Variants in KCNK4 observed in about 807,000 individuals in gnomAD.
KCNK4 encodes potassium channel subfamily K member 4.
KCNK4 carries 22 observed loss-of-function variants against 28.8 expected under a neutral mutation model. That is an observed-to-expected ratio of 0.76 (90% CI 0.55 to 1.09). The LOEUF is 1.09. Among genes scored for constraint, KCNK4 ranks in the 50% least tolerant of loss-of-function variants. The pLI is 0.00. For missense variants in KCNK4, 483 were observed against 546.3 expected, an observed-to-expected ratio of 0.88 and a Z score of 1.15; for synonymous variants, 263 against 252.9, an observed-to-expected ratio of 1.04 and a Z score of -0.38.
intron 2 of KCNK4, among the ~76,000 whole-genome samples, 182 bp from the exon 3 acceptor site, chr11:64,296,696 C>A (rs1004001108): frequency 6.6e-6 from 1 of 152,172 alleles, no homozygotes; most frequent in African/African-American, 2.4e-5. Flanking sequence ...ACAAACTCAC[C>A]TGCAGGTAGA....
At chr11:64,297,920 G>A (rs779176269) in intron 5 of KCNK4, among the ~76,000 whole-genome samples, 190 bp from the exon 6 acceptor site, 9 of 152,182 alleles carry the variant, frequency 5.9e-5, no homozygotes, top group Non-Finnish European at 1.3e-4. Flanking sequence ...CTTCTTGCAT[G>A]CTTTTATCTT....
At chr11:64,294,531 A>AG (rs1745060700) in intron 2 of KCNK4, among the ~76,000 whole-genome samples, 1 of 151,482 alleles carries the variant, frequency 6.6e-6, no homozygotes, top group Admixed American at 6.6e-5. Context: ...AAAAAAAAAA[A>AG]AAAAAGAAAG....
intron 1 of KCNK4, chr11:64,292,215 C>A: frequency 6.1e-6 from 3 of 488,432 alleles, no homozygotes; most frequent in Non-Finnish European, 8.0e-6. Context: ...CGTGCCGGGG[C>A]GTGTGTGCGC....
At chr11:64,295,405 G>T (rs764840833) in intron 2 of KCNK4, among the ~76,000 whole-genome samples, 32 of 152,132 alleles carry the variant, frequency 2.1e-4, no homozygotes, top group African/African-American at 7.7e-4. Flanking sequence ...GGGCAAAGGC[G>T]TGGAAGCTGG....
At position 64,292,966 on chromosome 11, in the gene KCNK4, C is replaced by A. The variant is rs1053867298; in HGVS notation, c.-53C>A. The A allele has an allele frequency of 4.7e-6, 7 of 1,494,352 alleles. No individual in the cohort carries two copies. The highest frequency in any genetic ancestry group is 6.2e-6 in the Non-Finnish European group (7 of 1,125,842). 92.6% of individuals were successfully genotyped at this position (1,494,352 alleles called of 1,614,324 possible). ...GTGACGACAGCTCCCCAGGAGCCCC[C>A]CGCCCGGCCCCTCCAGGCGGGCAGT... On this transcript the variant is annotated 5_prime_UTR_variant, in exon 2 of 7. Transcript: ENST00000422670.
At chr11:64,292,089 G>A (rs1203508949) in intron 1 of KCNK4, 10 of 1,093,168 alleles carry the variant, frequency 9.1e-6, no homozygotes, top group Non-Finnish European at 7.8e-6. Context: ...GGCCGGGGAT[G>A]CCGGGGCGTC....
At position 64,299,821 on chromosome 11, in the gene KCNK4, C is replaced by G; in HGVS notation, c.*95C>G. ...ACCAAAGAGCCCTCTTTCCACGAGA[C>G]TGAAGTCTGGGGAGGAGGCTACAGT... On this transcript the variant is annotated 3_prime_UTR_variant, in exon 7 of 7. Transcript: ENST00000422670. The G allele has an allele frequency of 6.5e-7, 1 of 1,535,526 alleles. No individual in the cohort carries two copies. The highest frequency in any genetic ancestry group is 8.7e-7 in the Non-Finnish European group (1 of 1,146,652).
At chr11:64,298,342 G>A in intron 6 of KCNK4, 93 bp downstream of exon 6, 6 of 1,500,148 alleles carry the variant, frequency 4.0e-6, no homozygotes, top group Non-Finnish European at 5.4e-6. Context: ...TCCTATCCAG[G>A]GCGTGGGCTC....
Position 64,299,751 on chromosome 11 carries a change from T to C in KCNK4, c.*25T>C. 1 of 1,542,632 alleles carries C rather than the reference T, an allele frequency of 6.5e-7. No individual in the cohort carries two copies. Among genetic ancestry groups the C allele is most frequent in the Non-Finnish European group, 8.7e-7 (1 of 1,149,744 alleles). On this transcript the variant is annotated 3_prime_UTR_variant, in exon 7 of 7. Transcript: ENST00000422670. ...GGGGCAGGATCCCTGGCCGGGCCTC[T>C]CAAGGGCTTCGTTTCTGCTCTCCCC...
intron 5 of KCNK4, 56 bp downstream of exon 5, chr11:64,297,709 G>C (rs1253093839): frequency 6.5e-7 from 1 of 1,542,478 alleles, no homozygotes; most frequent in Admixed American, 1.8e-5. Context: ...CTGATCAGGG[G>C]CTCTGCACTC....
chr11:64,297,097 C>T (rs1231914867), intron 3 of KCNK4, 22 bp from the exon 4 acceptor site: 6 of 1,613,986 alleles, frequency 3.7e-6, no homozygotes, highest in Non-Finnish European at 5.1e-6. Context: ...CCCTAGACTT[C>T]CTGCATCGCC....
intron 1 of KCNK4, chr11:64,292,253 C>A: frequency 4.0e-6 from 1 of 251,826 alleles, no homozygotes; most frequent in Non-Finnish European, 6.3e-6. Context: ...CTGTCTCGGA[C>A]TGACAGCTGT....
Position 64,293,135 on chromosome 11 carries a change from G to A in KCNK4, c.117G>A (p.Leu39=). The change falls in exon 2 of 7, where the codon CTG becomes CTA. Residue 39 remains leucine, a synonymous_variant. Transcript: ENST00000422670. The part of the protein sequence containing the change: ...QPHEQQAQRE[L]GEVREKFLRA... The stretch of plus-strand genomic sequence containing the variant: ...ACGAGCAGCAGGCCCAGAGGGAGCT[G>A]GGGGAGGTCCGAGAGAAGTTCCTGA... 1 of 1,540,832 alleles carries A rather than the reference G, an allele frequency of 6.5e-7. No homozygotes were observed. The highest frequency in any genetic ancestry group is 8.8e-7 in the Non-Finnish European group (1 of 1,141,604).
intron 2 of KCNK4, among the ~76,000 whole-genome samples, chr11:64,293,848 G>C (rs959211775): frequency 6.6e-6 from 1 of 152,078 alleles, no homozygotes; most frequent in African/African-American, 2.4e-5. Context: ...TGATCCACCC[G>C]CCTCGGCCTC....
chr11:64,297,316 G>C (rs775081638), intron 4 of KCNK4, 37 bp downstream of exon 4: 2 of 1,590,910 alleles, frequency 1.3e-6, no homozygotes, highest in Non-Finnish European at 1.7e-6. Context: ...CTTGTGCTGG[G>C]CTCCGGCTAC....
At chr11:64,292,131 AGCGGG>A in intron 1 of KCNK4, 1 of 995,926 alleles carries the variant, frequency 1.0e-6, no homozygotes. Flanking sequence ...GCGTGCGTGC[AGCGGG>A]GCGGCGCGGC....
At chr11:64,297,676 G>A in intron 5 of KCNK4, 23 bp downstream of exon 5, 1 of 1,599,430 alleles carries the variant, frequency 6.3e-7, no homozygotes, top group Non-Finnish European at 8.5e-7. Context: ...TTCTTGTGCT[G>A]CACTTTCCCA....
chr11:64,296,378 T>G (rs1417147405), intron 2 of KCNK4, among the ~76,000 whole-genome samples: 3 of 151,088 alleles, frequency 2.0e-5, no homozygotes, highest in Non-Finnish European at 4.4e-5. Flanking sequence ...GCAATGGGAG[T>G]GGTGGGGTTG....
intron 2 of KCNK4, among the ~76,000 whole-genome samples, chr11:64,294,577 G>A (rs528734664): frequency 4.0e-5 from 6 of 151,052 alleles, no homozygotes; most frequent in African/African-American, 1.5e-4. Flanking sequence ...CAGTCAGGCA[G>A]GCACGTCTGT....
Sources: allele counts gnomAD v4.1 joint callset (sites outside exome capture counted in the v4.1 genomes callset), GRCh38; gene constraint gnomAD v4.1.1; transcripts MANE v1.5; gene names NCBI Gene and HGNC (gene_info 2026-07-23, HGNC 2026-07-21).